Variants in MTURN observed in about 807,000 individuals in gnomAD.
MTURN encodes the protein maturin, neural progenitor differentiation regulator homolog.
A neutral mutation model predicts 14.9 loss-of-function variants in MTURN; 7 were observed. The observed-to-expected ratio is 0.47, with a 90% CI of 0.27 to 0.88. MTURN has a LOEUF of 0.88. MTURN is among the 40% of genes least tolerant of loss of function. The pLI is 0.14. For synonymous variants in MTURN, 69 were observed against 72.5 expected (o/e 0.95, Z 0.25); for missense variants, 151 against 174.1 (o/e 0.87, Z 0.75).
At chr7:30,154,338 G>T (rs1481329970) in intron 2 of MTURN, among the ~76,000 whole-genome samples, 1 of 152,168 alleles carries the variant, frequency 6.6e-6, no homozygotes, top group Non-Finnish European at 1.5e-5. Context: ...CCAGAACTCA[G>T]GGCCGATTTT....
intron 2 of MTURN, among the ~76,000 whole-genome samples, chr7:30,154,264 G>A (rs923983312): frequency 4.6e-5 from 7 of 152,136 alleles, no homozygotes; most frequent in African/African-American, 1.7e-4. Context: ...AGTGTGCAGT[G>A]TATATAGGAT....
At chr7:30,144,549 CGCTAAA>C (rs923502597) in intron 1 of MTURN, among the ~76,000 whole-genome samples, 2 of 152,152 alleles carry the variant, frequency 1.3e-5, no homozygotes, top group African/African-American at 4.8e-5. Context: ...TTGAGCTGTT[CGCTAAA>C]GCTAGAGAGC....
rs962999722 is a variant in MTURN at position 30,135,866 on chromosome 7, G to A, written c.162+568G>A. ...GGTTAGTCCTTGCACTGCCTGTTTG[G>A]ACACAAAGCTCTGTCCATACTAGCG... On this transcript the variant is annotated intron_variant, in intron 1 of 2. Transcript: ENST00000324453. Among the ~76,000 whole-genome samples the A allele has an allele frequency of 4.6e-5, 7 of 152,248 alleles. No individual in the cohort carries two copies. The South Asian group carries it at 6.2e-4, about 13-fold the overall frequency.
In MTURN at chr7:30,135,493, C is replaced by T. The variant is rs1382415198; in HGVS notation, c.162+195C>T. Reference sequence around the variant, plus strand: ...CGGGCTCCGCTGCCCGGGTGGGGCCCGGTGGGCGGCGGGCAAGGCGCCCGG... The same window carrying T: ...CGGGCTCCGCTGCCCGGGTGGGGCCTGGTGGGCGGCGGGCAAGGCGCCCGG... On this transcript the variant is annotated intron_variant, in intron 1 of 2. Coordinates refer to ENST00000324453, the MANE Select transcript of MTURN (RefSeq NM_152793.3). 3.3e-5 allele frequency among the ~76,000 whole-genome samples: 5 copies of T among 151,290 alleles called. No individual in the cohort carries two copies. In the East Asian group the frequency reaches 9.7e-4, roughly 29 times the overall value.
In MTURN at chr7:30,161,936, G is replaced by A. The variant is rs890146869; in HGVS notation, c.*4388G>A. 3.3e-5 allele frequency: 5 copies of A among 152,022 alleles called. No individual in the cohort carries two copies. The highest frequency in any genetic ancestry group is 1.2e-4 in the African/African-American group (5 of 41,394). 9.4% of individuals were successfully genotyped at this position (152,022 alleles called of 1,614,324 possible). A position where few individuals can be genotyped will look rare whatever the true frequency, so the allele number is the denominator to read the frequency against. ...GGTAGCCTGTGGTGTCCATGGCAAT[G>A]GGTGTCCATGGTAAAATATCTATAG... On this transcript the variant is annotated 3_prime_UTR_variant, in exon 3 of 3. Coordinates refer to ENST00000324453, the MANE Select transcript of MTURN (RefSeq NM_152793.3).
intron 2 of MTURN, among the ~76,000 whole-genome samples, chr7:30,150,511 C>T (rs945382243): frequency 1.3e-5 from 2 of 152,218 alleles, no homozygotes; most frequent in Non-Finnish European, 2.9e-5. Flanking sequence ...GTGGCCAAAG[C>T]GCTCAGGGTT....
At chr7:30,153,781 G>C (rs547989174) in intron 2 of MTURN, among the ~76,000 whole-genome samples, 1 of 152,040 alleles carries the variant, frequency 6.6e-6, no homozygotes, top group Non-Finnish European at 1.5e-5. Context: ...GCAATGGCAC[G>C]ATCTTGGCTC....
intron 1 of MTURN, among the ~76,000 whole-genome samples, chr7:30,144,357 A>C (rs1458333891): frequency 6.6e-6 from 1 of 152,256 alleles, no homozygotes; most frequent in African/African-American, 2.4e-5. Context: ...TGCTGAGCAG[A>C]ACTTACTAAG....
chr7:30,146,484 T>C (rs1247433534), intron 2 of MTURN, among the ~76,000 whole-genome samples, 185 bp downstream of exon 2: 1 of 152,072 alleles, frequency 6.6e-6, no homozygotes, highest in African/African-American at 2.4e-5. Flanking sequence ...GGACGGGATG[T>C]GACACAGCTG....
Position 30,135,305 on chromosome 7 carries a change from G to C in MTURN, c.162+7G>C. 2 of 1,515,472 alleles carry C rather than the reference G, an allele frequency of 1.3e-6. No homozygotes were observed. Among genetic ancestry groups the C allele is most frequent in the Non-Finnish European group, 1.8e-6 (2 of 1,130,990 alleles). 93.9% of individuals were successfully genotyped at this position (1,515,472 alleles called of 1,614,324 possible). On this transcript the variant is annotated splice_region_variant and intron_variant, in intron 1 of 2. Transcript: ENST00000324453. ...CGGCTGCGGCGACAATTTTGTGAGT[G>C]CCTGGAGGAGGGACCGCCGGAGCCG...
chr7:30,145,967 C>A, intron 1 of MTURN: 1 of 1,551,522 alleles, frequency 6.4e-7, no homozygotes, highest in South Asian at 1.2e-5. Flanking sequence ...GAGGTATGGA[C>A]CAAAAGCTCG....
intron 1 of MTURN, chr7:30,145,863 G>A: frequency 1.9e-6 from 3 of 1,550,772 alleles, no homozygotes; most frequent in Non-Finnish European, 2.6e-6. Context: ...CCCTTAGCCT[G>A]CACAAGGTGA....
At chr7:30,155,761 G>A (rs1490328411) in intron 2 of MTURN, among the ~76,000 whole-genome samples, 1 of 152,176 alleles carries the variant, frequency 6.6e-6, no homozygotes, top group Non-Finnish European at 1.5e-5. Context: ...GTGTTCATAG[G>A]GTGCTGGGAG....
chr7:30,135,832 G>T (rs934283810), intron 1 of MTURN, among the ~76,000 whole-genome samples: 1 of 152,228 alleles, frequency 6.6e-6, no homozygotes, highest in African/African-American at 2.4e-5. Flanking sequence ...CCCACTCCCC[G>T]CCCTCGCGGG....
At chr7:30,138,334 C>G (rs917825050) in intron 1 of MTURN, among the ~76,000 whole-genome samples, 5 of 152,082 alleles carry the variant, frequency 3.3e-5, no homozygotes, top group Non-Finnish European at 4.4e-5. Context: ...AGGCTGGTCT[C>G]GAACTCCTGG....
In MTURN at chr7:30,138,390, T is replaced by A. The variant is rs186023211; in HGVS notation, c.162+3092T>A. Among the ~76,000 whole-genome samples, 193 of 152,286 alleles carry A rather than the reference T, an allele frequency of 1.3e-3. 1 individual carries two copies. The highest frequency in any genetic ancestry group is 4.5e-3 in the African/African-American group (189 of 41,576). The stretch of plus-strand genomic sequence containing the variant: ...TTGGCCTCCCAAAGTGCTGGGATGA[T>A]AGGCGTGAGCCACTGCACCTGGCCT... On this transcript the variant is annotated intron_variant, in intron 1 of 2. Coordinates refer to ENST00000324453, the MANE Select transcript of MTURN (RefSeq NM_152793.3).
chr7:30,152,367 T>C (rs551154950), intron 2 of MTURN, among the ~76,000 whole-genome samples: 3 of 152,256 alleles, frequency 2.0e-5, no homozygotes, highest in African/African-American at 7.2e-5. Context: ...CATGAAGATA[T>C]ATGGTGCCAC....
intron 1 of MTURN, 137 bp downstream of exon 1, chr7:30,135,435 T>A: frequency 1.4e-6 from 1 of 720,002 alleles, no homozygotes; most frequent in Non-Finnish European, 1.8e-6. Context: ...GCGCCCCGCG[T>A]GCTCCGCCGG....
intron 1 of MTURN, among the ~76,000 whole-genome samples, chr7:30,138,958 C>T (rs1464159953): frequency 2.6e-5 from 4 of 152,092 alleles, no homozygotes; most frequent in South Asian, 2.1e-4. Flanking sequence ...GAGAAGCCTT[C>T]CTGACCACAT....
Sources: allele counts gnomAD v4.1 joint callset (sites outside exome capture counted in the v4.1 genomes callset), GRCh38; gene constraint gnomAD v4.1.1; transcripts MANE v1.5; gene names NCBI Gene and HGNC (gene_info 2026-07-23, HGNC 2026-07-21).